Variants in ERC1 observed in about 807,000 individuals in gnomAD.
ERC1 encodes RAB6 interacting protein 2.
Under a neutral mutation model 132.0 loss-of-function variants are expected in ERC1, and 56 were observed. That is an observed-to-expected ratio of 0.42 (90% CI 0.34 to 0.53). The LOEUF is 0.53. ERC1 is among the 20% of genes least tolerant of loss of function. ERC1 has a pLI of 0.03. For missense variants in ERC1, 1,202 were observed against 1,349.9 expected, an observed-to-expected ratio of 0.89 and a Z score of 1.72; for synonymous variants, 478 against 476.1, an observed-to-expected ratio of 1.00 and a Z score of -0.05.
chr12:1,128,319 A>G (rs890333620), intron 7 of ERC1, among the ~76,000 whole-genome samples: 4 of 152,250 alleles, frequency 2.6e-5, no homozygotes, highest in Admixed American at 2.0e-4. Context: ...ATGGATGATC[A>G]GATATGACTT....
At chr12:1,073,753 C>T (rs535181183) in intron 2 of ERC1, among the ~76,000 whole-genome samples, 32 of 152,254 alleles carry the variant, frequency 2.1e-4, no homozygotes, top group African/African-American at 7.2e-4. Flanking sequence ...ATTGTATGTA[C>T]CACACTTTTA....
intron 8 of ERC1, among the ~76,000 whole-genome samples, chr12:1,146,406 G>A (rs1417599789): frequency 1.4e-5 from 2 of 140,542 alleles, no homozygotes; most frequent in Non-Finnish European, 3.0e-5. Flanking sequence ...TAGTAGTGCT[G>A]CTGATTTGTG....
chr12:1,081,351 G>A (rs1942168978), intron 2 of ERC1, among the ~76,000 whole-genome samples: 1 of 152,096 alleles, frequency 6.6e-6, no homozygotes, highest in Admixed American at 6.5e-5. Context: ...CACCCATGTT[G>A]TTACCGTCCC....
chr12:1,324,130 GATCTGA>G (rs2082294047), intron 15 of ERC1, among the ~76,000 whole-genome samples: 1 of 152,182 alleles, frequency 6.6e-6, no homozygotes, highest in Non-Finnish European at 1.5e-5. Flanking sequence ...TAAGTTAATT[GATCTGA>G]TAAATTACAA....
rs113073567 is a variant in ERC1, at chr12:1,344,694, T to C, written c.2781-27139T>C. ...TGAGCTCTCTAGGAAAACTAACATTTGTTAAGGGCCTGCCATGTGCCAGAT... is the reference window on the plus strand; with the variant it reads ...TGAGCTCTCTAGGAAAACTAACATTCGTTAAGGGCCTGCCATGTGCCAGAT... On this transcript the variant is annotated intron_variant, in intron 15 of 18. Transcript: ENST00000360905. Among the ~76,000 whole-genome samples, 5 of 152,318 alleles carry C rather than the reference T, an allele frequency of 3.3e-5. 1 individual carries two copies. Among genetic ancestry groups the C allele is most frequent in the African/African-American group, 1.2e-4 (5 of 41,578 alleles).
intron 8 of ERC1, among the ~76,000 whole-genome samples, chr12:1,146,801 G>A (rs1405993744): frequency 1.4e-5 from 2 of 143,030 alleles, no homozygotes; most frequent in African/African-American, 2.8e-5. Flanking sequence ...AGTCCCCGGA[G>A]TGTGATGTTC....
intron 1 of ERC1, among the ~76,000 whole-genome samples, chr12:1,007,862 G>C (rs1036816388): frequency 6.6e-6 from 1 of 152,108 alleles, no homozygotes; most frequent in African/African-American, 2.4e-5. Flanking sequence ...AGAGATTCAA[G>C]CAGAAAATAA....
intron 10 of ERC1, among the ~76,000 whole-genome samples, chr12:1,182,291 G>A (rs139894725): frequency 3.5e-4 from 53 of 152,262 alleles, no homozygotes; most frequent in African/African-American, 1.2e-3. Flanking sequence ...TTTTATGTTG[G>A]TTTTTTACTT....
intron 15 of ERC1, among the ~76,000 whole-genome samples, chr12:1,305,771 C>CT (rs1164002335): frequency 6.6e-6 from 1 of 152,148 alleles, no homozygotes; most frequent in African/African-American, 2.4e-5. Context: ...TTTTTGTCAA[C>CT]TGTTATTTTT....
chr12:1,461,390 G>A lies in ERC1; in HGVS notation c.3213+16640G>A, dbSNP rs115236770. Among the ~76,000 whole-genome samples, 218 of 152,196 alleles carry A rather than the reference G, an allele frequency of 1.4e-3. 1 individual carries two copies. Among genetic ancestry groups the A allele is most frequent in the African/African-American group, 4.3e-3 (177 of 41,524 alleles). On this transcript the variant is annotated intron_variant, in intron 18 of 18. Transcript: ENST00000360905. ...TGGCTCTAAAATTGAACTTTGAGCCGGGCACAGTGGCTCACACTTGTAATC... is the reference window on the plus strand; with the variant it reads ...TGGCTCTAAAATTGAACTTTGAGCCAGGCACAGTGGCTCACACTTGTAATC...
chr12:1,137,100 C>CTTTTTTTTTTTTTTTTTT lies in ERC1; in HGVS notation c.1570-4503_1570-4502insTTTTTTTTTTTTTTTTTT, dbSNP rs944757047. Among the ~76,000 whole-genome samples, 11 of 122,898 alleles carry CTTTTTTTTTTTTTTTTTT rather than the reference C, an allele frequency of 9.0e-5. 1 individual carries two copies. The highest frequency in any genetic ancestry group is 1.2e-4 in the African/African-American group (4 of 32,670). The allele number at this position is 122,898 out of a possible 152,430, so 80.6% of individuals were successfully genotyped here. A position where few individuals can be genotyped will look rare whatever the true frequency, so the allele number is the denominator to read the frequency against. On this transcript the variant is annotated intron_variant, in intron 7 of 18. Transcript: ENST00000360905. ...TTCTTTTTCTTTCTTTTTTTCTTTT[C>CTTTTTTTTTTTTTTTTTT]TTTTTTTTTTTTTTTTTGAGACAGA... is the stretch of plus-strand genomic sequence containing the variant.
intron 15 of ERC1, among the ~76,000 whole-genome samples, chr12:1,319,044 C>T (rs1383835169): frequency 6.6e-6 from 1 of 152,124 alleles, no homozygotes; most frequent in Non-Finnish European, 1.5e-5. Flanking sequence ...TGCCATTCCT[C>T]AATAAAGGGG....
At chr12:1,425,958 C>G (rs541623328) in intron 17 of ERC1, among the ~76,000 whole-genome samples, 1 of 152,064 alleles carries the variant, frequency 6.6e-6, no homozygotes, top group African/African-American at 2.4e-5. Flanking sequence ...CTTGAGGCAC[C>G]GATGTAATGA....
At chr12:1,051,288 T>C (rs1226460746) in intron 2 of ERC1, among the ~76,000 whole-genome samples, 1 of 152,104 alleles carries the variant, frequency 6.6e-6, no homozygotes, top group Non-Finnish European at 1.5e-5. Flanking sequence ...GTAATCGTAA[T>C]GTATATTCTG....
chr12:1,441,112 G>T (rs565920397), intron 17 of ERC1, among the ~76,000 whole-genome samples: 1 of 151,694 alleles, frequency 6.6e-6, no homozygotes, highest in Non-Finnish European at 1.5e-5. Flanking sequence ...AGCCTGGAGT[G>T]CAATGGTGCG....
At chr12:1,437,939 C>T (rs1226528262) in intron 17 of ERC1, among the ~76,000 whole-genome samples, 1 of 152,228 alleles carries the variant, frequency 6.6e-6, no homozygotes, top group Non-Finnish European at 1.5e-5. Flanking sequence ...TACACTTTGA[C>T]AGACCATAAA....
intron 13 of ERC1, among the ~76,000 whole-genome samples, chr12:1,259,520 C>CTTTCTTTTTT (rs749136473): frequency 7.9e-5 from 9 of 113,904 alleles, no homozygotes; most frequent in African/African-American, 1.7e-4. Flanking sequence ...TTCTTTCTTT[C>CTTTCTTTTTT]TTTTTTTTTT....
chr12:1,465,138 G>T (rs1045886822), intron 18 of ERC1, among the ~76,000 whole-genome samples: 1 of 152,098 alleles, frequency 6.6e-6, no homozygotes, highest in Non-Finnish European at 1.5e-5. Context: ...ACGCGGGTCT[G>T]TCATCGCCAG....
chr12:1,040,743 C>T (rs1970068655), intron 2 of ERC1, among the ~76,000 whole-genome samples: 1 of 152,136 alleles, frequency 6.6e-6, no homozygotes, highest in African/African-American at 2.4e-5. Flanking sequence ...ACGTAATAGG[C>T]TTTCCTTCCT....
Sources: allele counts gnomAD v4.1 joint callset (sites outside exome capture counted in the v4.1 genomes callset), GRCh38; gene constraint gnomAD v4.1.1; transcripts MANE v1.5; gene names NCBI Gene and HGNC (gene_info 2026-07-23, HGNC 2026-07-21).